LRIG1: variants seen among roughly 807,000 people sequenced by gnomAD.
LRIG1 encodes the protein leucine rich repeats and immunoglobulin like domains 1, also known as leucine-rich repeats and immunoglobulin-like domains protein 1.
Under a neutral mutation model 99.2 loss-of-function variants are expected in LRIG1, and 48 were observed. The observed-to-expected ratio is 0.48, with a 90% CI of 0.38 to 0.62. The LOEUF is 0.62. Among genes scored for constraint, LRIG1 ranks in the 20% least tolerant of loss-of-function variants. LRIG1 has a pLI of 0.00. For missense variants in LRIG1, 1,646 were observed against 1,434.4 expected (o/e 1.15, Z -2.38); for synonymous variants, 772 against 596.1 (o/e 1.29, Z -4.30).
chr3:66,388,245 G>C (rs983650718), intron 12 of LRIG1: 2 of 151,900 alleles, frequency 1.3e-5, no homozygotes, highest in Admixed American at 1.3e-4. Flanking sequence ...CACTAGAGGG[G>C]CTTGACAGCA....
At chr3:66,494,408 T>C (rs747890579) in intron 1 of LRIG1, among the ~76,000 whole-genome samples, 40 of 152,228 alleles carry the variant, frequency 2.6e-4, no homozygotes, top group Non-Finnish European at 4.9e-4. Context: ...TGAGGAAAGC[T>C]TTGTCCCTAG....
In LRIG1 at chr3:66,479,446, TAC is replaced by T. The variant is rs1201559134; in HGVS notation, c.219-16939_219-16938del. Among the ~76,000 whole-genome samples, 22 of 152,318 alleles carry T rather than the reference TAC, an allele frequency of 1.4e-4. No homozygotes were observed. In the East Asian group the frequency reaches 4.3e-3, roughly 29 times the overall value. ...AACAGACGGGCAAGTTATGAGGCAT[TAC>T]ACTTCTACCTGTAGATCTTCAAAGT... On this transcript the variant is annotated intron_variant, in intron 1 of 18. Coordinates refer to ENST00000273261, the MANE Select transcript of LRIG1 (RefSeq NM_015541.3).
In LRIG1 at chr3:66,410,079, C is replaced by A; in HGVS notation, c.935+50G>T. 1.3e-6 allele frequency: 2 copies of A among 1,562,662 alleles called. No homozygotes were observed. Among genetic ancestry groups the A allele is most frequent in the Non-Finnish European group, 1.7e-6 (2 of 1,153,160 alleles). On this transcript the variant is annotated intron_variant, in intron 7 of 18. Coordinates refer to ENST00000273261, the MANE Select transcript of LRIG1 (RefSeq NM_015541.3). ...CGAACCAGGCCTAGCACTTTCACCTCCAAGCAGTGTCTAAAAACACTGCCA... is the reference window on the plus strand; with the variant it reads ...CGAACCAGGCCTAGCACTTTCACCTACAAGCAGTGTCTAAAAACACTGCCA...
At position 66,408,388 on chromosome 3, in the gene LRIG1, A is replaced by C. The variant is rs569985903; in HGVS notation, c.936-897T>G. ...AATTTAGCTTAAAGGAGGGGTGGGA[A>C]ACACATGCTGGGAAGCAATCCCAAA... On this transcript the variant is annotated intron_variant, in intron 7 of 18. Transcript: ENST00000273261. Among the ~76,000 whole-genome samples, 10 of 152,286 alleles carry C rather than the reference A, an allele frequency of 6.6e-5. 1 individual carries two copies. Among genetic ancestry groups the C allele is most frequent in the Admixed American group, 2.0e-4 (3 of 15,298 alleles).
chr3:66,381,703 A>AG, intron 16 of LRIG1, 72 bp from the exon 17 acceptor site: 12 of 1,525,238 alleles, frequency 7.9e-6, no homozygotes, highest in Non-Finnish European at 1.1e-5. Flanking sequence ...GAAAGGAATG[A>AG]GCAAGGCCGC....
intron 6 of LRIG1, among the ~76,000 whole-genome samples, chr3:66,411,701 G>C (rs908266414): frequency 2.0e-4 from 30 of 152,082 alleles, no homozygotes; most frequent in African/African-American, 7.2e-4. Context: ...AACCAGTAAA[G>C]GACATTCGAG....
Position 66,398,959 on chromosome 3 carries a change from G to A in LRIG1, c.1232+11C>T, listed in dbSNP as rs1247377045. ...GGCTGTGCCTCAGGGCAGGGCTGGT[G>A]AGATACTCACAGGTGCTCCAGGCCT... On this transcript the variant is annotated intron_variant, in intron 10 of 18. Coordinates refer to ENST00000273261, the MANE Select transcript of LRIG1 (RefSeq NM_015541.3). The A allele has an allele frequency of 6.2e-7, 1 of 1,613,042 alleles. No homozygotes were observed. Among genetic ancestry groups the A allele is most frequent in the Non-Finnish European group, 8.5e-7 (1 of 1,179,098 alleles).
intron 2 of LRIG1, among the ~76,000 whole-genome samples, chr3:66,455,110 A>G (rs1003948647): frequency 1.3e-5 from 2 of 151,952 alleles, no homozygotes; most frequent in African/African-American, 4.8e-5. Context: ...ACACTCAGCT[A>G]ATTTTTTTAT....
rs1700879766 is a variant in LRIG1, at chr3:66,379,178, T to TA, written c.*1084dup. ...CATTGGCACTCATAAGATGGTTAGCTACCAGTCTCAAAAGTGCAAATTATA... is the reference window on the plus strand; with the variant it reads ...CATTGGCACTCATAAGATGGTTAGCTAACCAGTCTCAAAAGTGCAAATTATA... On this transcript the variant is annotated 3_prime_UTR_variant, in exon 19 of 19. Coordinates refer to ENST00000273261, the MANE Select transcript of LRIG1 (RefSeq NM_015541.3). The TA allele has an allele frequency of 6.6e-6, 1 of 152,646 alleles. No individual in the cohort carries two copies. The highest frequency in any genetic ancestry group is 2.4e-5 in the African/African-American group (1 of 41,454). The allele number at this position is 152,646 out of a possible 1,614,324, so 9.5% of individuals were successfully genotyped here.
At chr3:66,468,795 C>A (rs567088049) in intron 1 of LRIG1, among the ~76,000 whole-genome samples, 7 of 152,178 alleles carry the variant, frequency 4.6e-5, no homozygotes, top group Non-Finnish European at 1.0e-4. Context: ...TAAGGAAGAA[C>A]ATGCAACAAT....
At chr3:66,406,010 C>G in intron 8 of LRIG1, 1 of 989,552 alleles carries the variant, frequency 1.0e-6, no homozygotes. Flanking sequence ...CCCCATCCTG[C>G]CCTCTCCAAC....
At chr3:66,424,642 T>C (rs1225558253) in intron 3 of LRIG1, among the ~76,000 whole-genome samples, 4 of 152,162 alleles carry the variant, frequency 2.6e-5, no homozygotes. Context: ...ATATACACAG[T>C]AGATCCTGGG....
At chr3:66,404,185 C>G (rs1702176092) in intron 9 of LRIG1, 1 of 1,237,354 alleles carries the variant, frequency 8.1e-7, no homozygotes, top group Non-Finnish European at 1.1e-6. Flanking sequence ...AAAAGCCACG[C>G]TTTTCAAAAC....
chr3:66,489,967 A>G (rs1209439836), intron 1 of LRIG1, among the ~76,000 whole-genome samples: 1 of 149,374 alleles, frequency 6.7e-6, no homozygotes, highest in African/African-American at 2.6e-5. Flanking sequence ...CATTCTGAGC[A>G]CCACGACTTC....
At chr3:66,494,944 T>C (rs1575737081) in intron 1 of LRIG1, among the ~76,000 whole-genome samples, 1 of 152,226 alleles carries the variant, frequency 6.6e-6, no homozygotes, top group Non-Finnish European at 1.5e-5. Context: ...TGCAGCTATA[T>C]CAAATTCTTT....
rs1316391368 is a variant in LRIG1, at chr3:66,426,757, A to G, written c.366-9491T>C. Reference sequence around the variant, plus strand: ...TACAGAAGACAGAAATCCACACTGTATATCCTATATCCTTCCTCGTTTCAG... The same window carrying G: ...TACAGAAGACAGAAATCCACACTGTGTATCCTATATCCTTCCTCGTTTCAG... On this transcript the variant is annotated intron_variant, in intron 3 of 18. Transcript: ENST00000273261. Among the ~76,000 whole-genome samples the G allele has an allele frequency of 1.3e-5, 2 of 152,230 alleles. 1 individual carries two copies. Among genetic ancestry groups the G allele is most frequent in the South Asian group, 4.1e-4 (2 of 4,826 alleles).
At chr3:66,422,797 A>C (rs1702861762) in intron 3 of LRIG1, among the ~76,000 whole-genome samples, 1 of 152,238 alleles carries the variant, frequency 6.6e-6, no homozygotes, top group African/African-American at 2.4e-5. Context: ...AGACACAAAG[A>C]CTGGGCAATT....
At chr3:66,449,268 G>A (rs906086795) in intron 3 of LRIG1, among the ~76,000 whole-genome samples, 1 of 152,192 alleles carries the variant, frequency 6.6e-6, no homozygotes, top group Non-Finnish European at 1.5e-5. Flanking sequence ...TCCAATCTAA[G>A]AATGGGGAAC....
chr3:66,381,395 T>G, intron 17 of LRIG1, 84 bp downstream of exon 17: 1 of 1,373,274 alleles, frequency 7.3e-7, no homozygotes, highest in Non-Finnish European at 1.0e-6. Flanking sequence ...ACTAGGAATG[T>G]GTCTCCCCCT....
Sources: gnomAD v4.1 joint callset for allele counts (sites outside exome capture counted in the v4.1 genomes callset) on GRCh38, gnomAD v4.1.1 for gene constraint, MANE v1.5 for transcripts, NCBI Gene and HGNC (gene_info 2026-07-23, HGNC 2026-07-21) for gene names.